GABPB1: variants seen among roughly 807,000 people sequenced by gnomAD.
The protein encoded by GABPB1 is GA-binding protein subunit beta-1.
Under a neutral mutation model 45.9 loss-of-function variants are expected in GABPB1, and 15 were observed. The observed-to-expected ratio is 0.33, with a 90% CI of 0.22 to 0.50. The LOEUF (loss-of-function observed/expected upper bound fraction) is 0.50, where lower values mean the gene tolerates loss of function less well. Among genes scored for constraint, GABPB1 ranks in the 20% least tolerant of loss-of-function variants. The pLI, the probability that GABPB1 is intolerant of heterozygous loss-of-function variation, is 0.98. For missense variants in GABPB1, 252 were observed against 457.5 expected (o/e 0.55, Z 4.10); for synonymous variants, 143 against 154.4 (o/e 0.93, Z 0.55).
intron 2 of GABPB1, among the ~76,000 whole-genome samples, chr15:50,305,075 G>A (rs1438730330): frequency 6.6e-6 from 1 of 152,078 alleles, no homozygotes; most frequent in Non-Finnish European, 1.5e-5. Flanking sequence ...CACAGAGGGA[G>A]TACTAAAATG....
intron 2 of GABPB1, among the ~76,000 whole-genome samples, chr15:50,307,586 C>A (rs2046991349): frequency 6.6e-6 from 1 of 151,778 alleles, no homozygotes; most frequent in African/African-American, 2.4e-5. Context: ...CCTGTAATCT[C>A]AGCTACTTGG....
rs3985830 is a variant in GABPB1 at position 50,292,846 on chromosome 15, ATG to A, written c.698-3180_698-3179del. ...AACTTAGCAAAATAAAAGTGTGTAT[ATG>A]TGTGTGTGTGTGTGTGTGTGTACAT... On this transcript the variant is annotated intron_variant, in intron 6 of 8. Transcript: ENST00000380877. 9.4e-4 allele frequency among the ~76,000 whole-genome samples: 140 copies of A among 149,586 alleles called. No homozygotes were observed. The Middle Eastern group carries it at 0.018, about 19-fold the overall frequency.
intron 1 of GABPB1, chr15:50,354,596 G>A (rs916347764): frequency 6.7e-6 from 3 of 446,480 alleles, no homozygotes; most frequent in Non-Finnish European, 1.3e-5. Context: ...CCAACCTCCA[G>A]TCGCCCGCAG....
At chr15:50,349,883 A>G (rs965318451) in intron 1 of GABPB1, 1 of 152,234 alleles carries the variant, frequency 6.6e-6, no homozygotes, top group Non-Finnish European at 1.5e-5. Context: ...AGCAAAAAGA[A>G]AACAATCACC....
At chr15:50,354,326 G>T (rs930222034) in intron 1 of GABPB1, 1 of 446,746 alleles carries the variant, frequency 2.2e-6, no homozygotes, top group Non-Finnish European at 4.5e-6. Flanking sequence ...TCCAGTCCCC[G>T]CGGCCAAGGC....
chr15:50,300,943 T>A, intron 5 of GABPB1, 41 bp from the exon 6 acceptor site: 1 of 1,166,668 alleles, frequency 8.6e-7, no homozygotes, highest in Non-Finnish European at 1.3e-6. Flanking sequence ...TCTAAGGAGC[T>A]TAATCCAATG....
chr15:50,345,709 CATTTT>C (rs1414387653), intron 1 of GABPB1, among the ~76,000 whole-genome samples: 2 of 100,864 alleles, frequency 2.0e-5, no homozygotes, highest in Non-Finnish European at 4.4e-5. Context: ...GATGTCTGTA[CATTTT>C]TTTTTGTTTT....
intron 6 of GABPB1, among the ~76,000 whole-genome samples, chr15:50,297,411 G>A (rs1207465594): frequency 6.6e-6 from 1 of 151,638 alleles, no homozygotes; most frequent in Non-Finnish European, 1.5e-5. Flanking sequence ...CAGGGTTTCA[G>A]AAACATGTTG....
chr15:50,318,626 A>T (rs1439234253), intron 1 of GABPB1, among the ~76,000 whole-genome samples: 1 of 152,170 alleles, frequency 6.6e-6, no homozygotes, highest in Non-Finnish European at 1.5e-5. Flanking sequence ...AGACCCCAAG[A>T]CAACAGCTGT....
intron 1 of GABPB1, among the ~76,000 whole-genome samples, chr15:50,327,035 A>G (rs2047794295): frequency 6.6e-6 from 1 of 152,132 alleles, no homozygotes; most frequent in South Asian, 2.1e-4. Flanking sequence ...CCTTTGCCCA[A>G]TTCAACTACC....
intron 1 of GABPB1, among the ~76,000 whole-genome samples, chr15:50,316,197 C>A (rs932340068): frequency 5.9e-5 from 9 of 152,162 alleles, no homozygotes; most frequent in African/African-American, 2.2e-4. Context: ...AATAATAAAT[C>A]TATTATACAA....
At chr15:50,302,610 C>G (rs1159087386) in intron 4 of GABPB1, among the ~76,000 whole-genome samples, 2 of 139,888 alleles carry the variant, frequency 1.4e-5, no homozygotes, top group Non-Finnish European at 3.0e-5. Context: ...TGCCACTACA[C>G]TCCAGCCTGG....
chr15:50,287,468 G>C (rs1424854811), intron 7 of GABPB1, among the ~76,000 whole-genome samples: 1 of 152,164 alleles, frequency 6.6e-6, no homozygotes. Context: ...AAGGTAAAAT[G>C]AGATAGGCCC....
At chr15:50,323,600 A>G (rs1319376434) in intron 1 of GABPB1, among the ~76,000 whole-genome samples, 2 of 152,190 alleles carry the variant, frequency 1.3e-5, no homozygotes, top group African/African-American at 4.8e-5. Context: ...AGCCAGGCAC[A>G]GTTGCTTCCA....
chr15:50,345,267 T>G (rs2048522286), intron 1 of GABPB1, among the ~76,000 whole-genome samples: 1 of 152,156 alleles, frequency 6.6e-6, no homozygotes. Context: ...GAAGCCAATA[T>G]TATTGACAAA....
chr15:50,315,962 G>A (rs753816593), intron 1 of GABPB1, among the ~76,000 whole-genome samples: 2 of 152,116 alleles, frequency 1.3e-5, no homozygotes, highest in Non-Finnish European at 2.9e-5. Context: ...TACTCAGGTG[G>A]CTGAAGCAGG....
At chr15:50,315,798 G>C (rs547008476) in intron 1 of GABPB1, among the ~76,000 whole-genome samples, 4 of 152,310 alleles carry the variant, frequency 2.6e-5, no homozygotes, top group African/African-American at 9.6e-5. Flanking sequence ...ATTCTGGACG[G>C]GTGCAGTGAC....
chr15:50,311,663 C>G (rs1440942625), intron 1 of GABPB1, among the ~76,000 whole-genome samples: 2 of 152,010 alleles, frequency 1.3e-5, no homozygotes, highest in Non-Finnish European at 2.9e-5. Flanking sequence ...CATTATGGAC[C>G]TAAGTATTTC....
At chr15:50,290,100 T>A (rs574663863) in intron 6 of GABPB1, among the ~76,000 whole-genome samples, 1 of 152,292 alleles carries the variant, frequency 6.6e-6, no homozygotes, top group Admixed American at 6.5e-5. Flanking sequence ...GGAAAACTTG[T>A]ACATGGTTTT....
Sources: gnomAD v4.1 joint callset for allele counts (sites outside exome capture counted in the v4.1 genomes callset) on GRCh38, gnomAD v4.1.1 for gene constraint, MANE v1.5 for transcripts, NCBI Gene and HGNC (gene_info 2026-07-23, HGNC 2026-07-21) for gene names.